DHX37: variants seen among roughly 807,000 people sequenced by gnomAD.
The protein encoded by DHX37 is DEAH-box helicase 37, also known as probable ATP-dependent RNA helicase DHX37.
DHX37 carries 52 observed loss-of-function variants against 134.3 expected under a neutral mutation model. That is an observed-to-expected ratio of 0.39 (90% CI 0.31 to 0.49). The LOEUF (loss-of-function observed/expected upper bound fraction) is 0.49, where lower values mean the gene tolerates loss of function less well. Among genes scored for constraint, DHX37 ranks in the 20% least tolerant of loss-of-function variants. The probability of loss-of-function intolerance (pLI) is 0.93; values close to 1 mark genes in which losing one functional copy is unlikely to be tolerated. For missense variants in DHX37, 1,344 were observed against 1,580.8 expected, an observed-to-expected ratio of 0.85 and a Z score of 2.54; for synonymous variants, 634 against 670.7, an observed-to-expected ratio of 0.95 and a Z score of 0.85.
At chr12:124,958,322 A>G (rs1954145518) in intron 16 of DHX37, among the ~76,000 whole-genome samples, 1 of 152,166 alleles carries the variant, frequency 6.6e-6, no homozygotes, top group Non-Finnish European at 1.5e-5. Context: ...GGGGGAAGGC[A>G]GGAGGGGGCC....
intron 16 of DHX37, among the ~76,000 whole-genome samples, chr12:124,958,123 C>G (rs1022727388): frequency 6.6e-6 from 1 of 152,210 alleles, no homozygotes; most frequent in Admixed American, 6.5e-5. Context: ...TGCTTCCTTT[C>G]TGGGGTGATG....
chr12:124,956,817 G>A lies in DHX37; in HGVS notation c.2327C>T (p.Ala776Val). 6.2e-7 allele frequency: 1 copy of A among 1,611,578 alleles called. No individual in the cohort carries two copies. The highest frequency in any genetic ancestry group is 8.5e-7 in the Non-Finnish European group (1 of 1,178,174). Residue 776 changes from alanine (A) to valine (V), a missense_variant, in exon 18 of 27, where the codon GCC becomes GTC. By Grantham distance (64) the Ala-to-Val change is moderately conservative. Coordinates refer to ENST00000308736, the MANE Select transcript of DHX37 (RefSeq NM_032656.4). ...CPITALGRTMATFPVAPRYAK... is the reference protein window; with the variant it reads ...CPITALGRTMVTFPVAPRYAK... ...GTAGCGGGGTGCCACGGGGAATGTG[G>A]CCATTGTCCGGCCCAGCGCAGTGAT...
intron 13 of DHX37, 49 bp from the exon 14 acceptor site, chr12:124,965,055 A>C (rs1363318249): frequency 6.4e-7 from 1 of 1,560,900 alleles, no homozygotes; most frequent in Non-Finnish European, 8.7e-7. Context: ...ACAGATGCCC[A>C]CAGGCAGGAG....
chr12:124,977,576 G>A, intron 4 of DHX37, 86 bp from the exon 5 acceptor site: 4 of 1,418,440 alleles, frequency 2.8e-6, no homozygotes, highest in Non-Finnish European at 3.7e-6. Flanking sequence ...CTGACACATG[G>A]GTGCTGAACA....
At chr12:124,987,145 C>T (rs1594517677) in intron 1 of DHX37, among the ~76,000 whole-genome samples, 1 of 152,236 alleles carries the variant, frequency 6.6e-6, no homozygotes, top group African/African-American at 2.4e-5. Context: ...GAGTTGGGGA[C>T]CAGCCTGGCC....
At chr12:124,972,035 T>G (rs1954535034) in intron 7 of DHX37, among the ~76,000 whole-genome samples, 2 of 152,148 alleles carry the variant, frequency 1.3e-5, no homozygotes. Context: ...CCCCTTTCCC[T>G]CAGCCTGAGG....
At chr12:124,971,223 G>A (rs1954515540) in intron 8 of DHX37, 79 bp downstream of exon 8, 2 of 1,549,830 alleles carry the variant, frequency 1.3e-6, no homozygotes, top group East Asian at 2.4e-5. Flanking sequence ...CGGGGAACAG[G>A]TGAAGGAAGC....
chr12:124,960,506 G>A (rs1295621055), intron 15 of DHX37, 83 bp from the exon 16 acceptor site: 7 of 1,550,586 alleles, frequency 4.5e-6, no homozygotes, highest in Middle Eastern at 1.7e-4. Context: ...GACAGAAACC[G>A]GGACAACAAA....
In DHX37 at chr12:124,948,130, AG is replaced by A; in HGVS notation, c.3341del (p.Ala1114ValfsTer122). The A allele has an allele frequency of 1.2e-6, 2 of 1,614,226 alleles. No homozygotes were observed. The highest frequency in any genetic ancestry group is 1.7e-6 in the Non-Finnish European group (2 of 1,180,036). On this transcript the variant is annotated frameshift_variant, in exon 26 of 27. Coordinates refer to ENST00000308736, the MANE Select transcript of DHX37 (RefSeq NM_032656.4). LOFTEE classifies it low-confidence loss of function (END_TRUNC). ...CAGCCAGCAAGGCTTCATGGCAGTC[AG>A]CCTTCTCTGCAACCAGGGCTCGCAG... ...SLLRALVAEK[A>X]DCHEALLAAW...
intron 12 of DHX37, 120 bp downstream of exon 12, chr12:124,966,673 A>C: frequency 9.0e-7 from 1 of 1,113,668 alleles, no homozygotes; most frequent in Non-Finnish European, 1.3e-6. Flanking sequence ...CAGGAACTGG[A>C]TTTTTAACTT....
intron 15 of DHX37, 74 bp downstream of exon 15, chr12:124,964,320 C>T (rs1954333258): frequency 2.5e-6 from 4 of 1,593,432 alleles, no homozygotes; most frequent in African/African-American, 1.3e-5. Context: ...TGGGGGTCAG[C>T]ATCCTTCCCT....
intron 3 of DHX37, among the ~76,000 whole-genome samples, chr12:124,981,424 C>T (rs112326553): frequency 0.024 from 3,623 of 152,184 alleles, 127 homozygotes; most frequent in African/African-American, 0.082. Context: ...CTGGTGTGGC[C>T]GGATCGTCCA....
rs1366551014 is a variant in DHX37, at chr12:124,964,990, G to A, written c.1752C>T (p.Ala584=). The change falls in exon 14 of 27, where the codon GCC becomes GCT. Residue 584 remains alanine, a synonymous_variant. Transcript: ENST00000308736. ...GGQDGGEQPD[A]SLPLHVLPLY... ...GCGGGAGCACGTGGAGCGGGAGGGA[G>A]GCATCCGGCTGCTCACCTGGAGGGA... 1 of 1,597,246 alleles carries A rather than the reference G, an allele frequency of 6.3e-7. No individual in the cohort carries two copies.
chr12:124,958,876 G>A (rs571909016), intron 16 of DHX37, among the ~76,000 whole-genome samples: 243 of 150,156 alleles, frequency 1.6e-3, no homozygotes, highest in Middle Eastern at 7.1e-3. Context: ...CACCCGCCTC[G>A]GCCTCCCAAA....
chr12:124,954,463 G>A (rs755768043), intron 18 of DHX37, among the ~76,000 whole-genome samples: 3 of 151,360 alleles, frequency 2.0e-5, no homozygotes, highest in Non-Finnish European at 4.4e-5. Context: ...GTGTGATCTC[G>A]GTTCACTGCA....
At position 124,966,841 on chromosome 12, in the gene DHX37, C is replaced by T; in HGVS notation, c.1542G>A (p.Met514Ile). ...TGGCCCTTGACTTCTTAAACTTCCG[C>T]ATTTCCTCCACCGAGTCTTTCTGAT... ...DDDQKDSVEE[M>I]RKFKKSRARA... The change falls in exon 12 of 27, where the codon ATG becomes ATA. Residue 514 changes from methionine to isoleucine, a missense_variant. By Grantham distance (10) the Met-to-Ile change is conservative (BLOSUM62 1). This residue lies in a region of DHX37 where 289 missense variants were observed against 323.8 expected (regional missense o/e 0.89). Transcript: ENST00000308736. 1.2e-6 allele frequency: 2 copies of T among 1,614,258 alleles called. No individual in the cohort carries two copies. Among genetic ancestry groups the T allele is most frequent in the Non-Finnish European group, 8.5e-7 (1 of 1,180,050 alleles).
chr12:124,953,312 C>G (rs1954010888), intron 20 of DHX37: 1 of 153,492 alleles, frequency 6.5e-6, no homozygotes, highest in South Asian at 2.0e-4. Context: ...ATTCTGGCAT[C>G]AAACCTTGGG....
chr12:124,969,890 C>T (rs1954479024), intron 8 of DHX37, among the ~76,000 whole-genome samples: 1 of 150,992 alleles, frequency 6.6e-6, no homozygotes, highest in African/African-American at 2.4e-5. Flanking sequence ...CGCTGCACTC[C>T]AGCCTCAGTG....
rs974135467 is a variant in DHX37 at position 124,967,144 on chromosome 12, G to T, written c.1483C>A (p.Pro495Thr). Residue 495 changes from proline to threonine, a missense_variant, in exon 11 of 27, where the codon CCC (proline) becomes ACC (threonine). Physicochemically the swap from Pro to Thr is conservative, Grantham distance 38. Coordinates refer to ENST00000308736, the MANE Select transcript of DHX37 (RefSeq NM_032656.4). ...LCRRLRKAFP[P>T]SRARPQEKDD... The stretch of plus-strand genomic sequence containing the variant: ...TTACCTTGTGGCCGGGCTCTGGAGG[G>T]TGGGAAAGCCTTCCTGAGCCTGCGG... 6.2e-7 allele frequency: 1 copy of T among 1,613,764 alleles called. No homozygotes were observed. The highest frequency in any genetic ancestry group is 8.5e-7 in the Non-Finnish European group (1 of 1,180,020).
Sources: allele counts gnomAD v4.1 joint callset (sites outside exome capture counted in the v4.1 genomes callset), GRCh38; gene constraint gnomAD v4.1.1; regional missense constraint gnomAD v4.1.1; transcripts MANE v1.5; gene names NCBI Gene and HGNC (gene_info 2026-07-23, HGNC 2026-07-21).